MBD2: variants seen among roughly 807,000 people sequenced by gnomAD.
MBD2 encodes the protein methyl-CpG binding domain protein 2.
MBD2 carries 9 observed loss-of-function variants against 39.3 expected under a neutral mutation model. The ratio of observed to expected loss-of-function variants is 0.23; its 90% CI spans 0.14 to 0.40. The LOEUF is 0.40. Ranked by LOEUF, MBD2 falls within the 10% of genes least tolerant of loss-of-function variation. The pLI is 1.00. For missense variants in MBD2, 458 were observed against 532.6 expected (o/e 0.86, Z 1.38); for synonymous variants, 233 against 211.1 (o/e 1.10, Z -0.90).
rs753207977 is a variant in MBD2, at chr18:54,222,338, AAC to A, written c.542+1678_542+1679del. The A allele has an allele frequency of 9.6e-6, 5 of 518,272 alleles. No individual in the cohort carries two copies. In the Admixed American group the frequency reaches 9.7e-5, roughly 10 times the overall value. The allele number at this position is 518,272 out of a possible 1,614,324, so 32.1% of individuals were successfully genotyped here. On this transcript the variant is annotated intron_variant, in intron 1 of 6. Coordinates refer to ENST00000256429, the MANE Select transcript of MBD2 (RefSeq NM_003927.5). Reference sequence around the variant, plus strand: ...GGCACAGTCCCAGGGCAAGGATGCCAACAAAGGTTTTCTCTCAGCACCAGCTA... The same window carrying A: ...GGCACAGTCCCAGGGCAAGGATGCCAAAAGGTTTTCTCTCAGCACCAGCTA...
At chr18:54,193,112 AAC>A (rs1279992375) in intron 2 of MBD2, among the ~76,000 whole-genome samples, 1 of 152,256 alleles carries the variant, frequency 6.6e-6, no homozygotes, top group African/African-American at 2.4e-5. Context: ...CTGTCAAAGA[AAC>A]AGTCAATTCT....
intron 2 of MBD2, among the ~76,000 whole-genome samples, chr18:54,193,463 A>G (rs1426469600): frequency 6.6e-6 from 1 of 152,160 alleles, no homozygotes; most frequent in Non-Finnish European, 1.5e-5. Flanking sequence ...AATAATGTGT[A>G]TATTAGGCTG....
intron 6 of MBD2, among the ~76,000 whole-genome samples, chr18:54,157,897 C>T (rs543095547): frequency 1.6e-4 from 25 of 152,194 alleles, no homozygotes; most frequent in Non-Finnish European, 2.8e-4. Context: ...TATCTCAGAT[C>T]TACCCATCTC....
In MBD2 at chr18:54,151,727, T is replaced by C. The variant is rs1222515050; in HGVS notation, c.*3597A>G. On this transcript the variant is annotated 3_prime_UTR_variant, in exon 7 of 7. Transcript: ENST00000256429. The stretch of plus-strand genomic sequence containing the variant: ...TGAGAAATCACAAAGCTTGTTTATA[T>C]CTTTGCAATTATTTATGAAGATCTA... 6.6e-6 allele frequency: 1 copy of C among 152,090 alleles called. No homozygotes were observed. The highest frequency in any genetic ancestry group is 1.5e-5 in the Non-Finnish European group (1 of 68,034). The allele number at this position is 152,090 out of a possible 1,614,324, so 9.4% of individuals were successfully genotyped here. A position where few individuals can be genotyped will look rare whatever the true frequency, so the allele number is the denominator to read the frequency against.
At chr18:54,197,745 T>C (rs1007230427) in intron 2 of MBD2, among the ~76,000 whole-genome samples, 26 of 152,056 alleles carry the variant, frequency 1.7e-4, no homozygotes, top group South Asian at 1.0e-3. Flanking sequence ...AGATCATCAT[T>C]ATCATCATCA....
Position 54,186,420 on chromosome 18 carries a change from A to G in MBD2, c.840+2454T>C, listed in dbSNP as rs557636564. ...TCTGCCTATGTATATTTTGCCAACT[A>G]TCTCCTCAATTACAAATAGCTGATT... On this transcript the variant is annotated intron_variant, in intron 3 of 6. Transcript: ENST00000256429. Among the ~76,000 whole-genome samples, 16 of 152,250 alleles carry G rather than the reference A, an allele frequency of 1.1e-4. 1 individual carries two copies. Among genetic ancestry groups the G allele is most frequent in the African/African-American group, 3.8e-4 (16 of 41,568 alleles).
At position 54,201,425 on chromosome 18, in the gene MBD2, G is replaced by A. The variant is rs372569192; in HGVS notation, c.702+3573C>T. ...GTATAATGTAATCAAGAATGGAATCGATTTTCAGGGTAAGGTTAAGATTGA... is the reference window on the plus strand; with the variant it reads ...GTATAATGTAATCAAGAATGGAATCAATTTTCAGGGTAAGGTTAAGATTGA... On this transcript the variant is annotated intron_variant, in intron 2 of 6. Transcript: ENST00000256429. Among the ~76,000 whole-genome samples, 13 of 152,258 alleles carry A rather than the reference G, an allele frequency of 8.5e-5. No homozygotes were observed. In the East Asian group the frequency reaches 1.2e-3, roughly 14 times the overall value.
At chr18:54,209,568 A>C (rs1445669119) in intron 1 of MBD2, among the ~76,000 whole-genome samples, 3 of 152,216 alleles carry the variant, frequency 2.0e-5, no homozygotes, top group Non-Finnish European at 4.4e-5. Flanking sequence ...TTCAGAAAAC[A>C]GTAGTACAAG....
chr18:54,182,315 A>G (rs1449641133), intron 3 of MBD2, among the ~76,000 whole-genome samples: 3 of 152,210 alleles, frequency 2.0e-5, no homozygotes, highest in Non-Finnish European at 4.4e-5. Context: ...CTAAATCCAA[A>G]CTTGGTAAAT....
intron 3 of MBD2, among the ~76,000 whole-genome samples, chr18:54,173,591 A>G (rs2086192485): frequency 6.6e-6 from 1 of 152,256 alleles, no homozygotes; most frequent in African/African-American, 2.4e-5. Flanking sequence ...AACAGAAAAC[A>G]GTTCTGGCCA....
At chr18:54,209,779 C>A (rs2086486061) in intron 1 of MBD2, among the ~76,000 whole-genome samples, 1 of 152,188 alleles carries the variant, frequency 6.6e-6, no homozygotes, top group Non-Finnish European at 1.5e-5. Context: ...CAGTAGCAAA[C>A]TGACCCTGGG....
chr18:54,196,197 G>A (rs2086365254), intron 2 of MBD2, among the ~76,000 whole-genome samples: 1 of 152,112 alleles, frequency 6.6e-6, no homozygotes, highest in Non-Finnish European at 1.5e-5. Context: ...TGATGTCTAT[G>A]CAGAAAATCC....
intron 1 of MBD2, among the ~76,000 whole-genome samples, chr18:54,207,182 T>A (rs976101685): frequency 1.3e-5 from 2 of 152,214 alleles, no homozygotes; most frequent in Non-Finnish European, 2.9e-5. Context: ...CCCACCAGCT[T>A]TGGTAGCCTA....
At chr18:54,190,997 CTGGCAAA>C (rs1353187585) in intron 2 of MBD2, among the ~76,000 whole-genome samples, 1 of 152,126 alleles carries the variant, frequency 6.6e-6, no homozygotes, top group African/African-American at 2.4e-5. Context: ...TTCTCAGATT[CTGGCAAA>C]AAGGATGAAG....
intron 2 of MBD2, among the ~76,000 whole-genome samples, chr18:54,197,642 T>C (rs778278462): frequency 1.3e-5 from 2 of 152,214 alleles, no homozygotes; most frequent in Non-Finnish European, 2.9e-5. Context: ...CTTTTTGTGT[T>C]ATGCTCTACA....
intron 1 of MBD2, among the ~76,000 whole-genome samples, chr18:54,217,119 A>G (rs1274524902): frequency 3.3e-5 from 5 of 152,138 alleles, no homozygotes; most frequent in Non-Finnish European, 1.5e-5. Context: ...TAAAAAATTA[A>G]AGGGGACGAT....
intron 6 of MBD2, among the ~76,000 whole-genome samples, chr18:54,156,212 T>C (rs1000019161): frequency 2.0e-5 from 3 of 152,186 alleles, no homozygotes; most frequent in Admixed American, 2.0e-4. Context: ...ATGGGGTTAT[T>C]TGAGTAAGGT....
intron 1 of MBD2, among the ~76,000 whole-genome samples, chr18:54,205,592 A>C (rs1233144303): frequency 2.7e-4 from 2 of 7,472 alleles, no homozygotes. Context: ...ACTCTATCTC[A>C]AAAAAAAAAA....
intron 2 of MBD2, among the ~76,000 whole-genome samples, chr18:54,200,817 C>T (rs1206356910): frequency 3.9e-5 from 6 of 152,100 alleles, no homozygotes; most frequent in Admixed American, 1.3e-4. Context: ...CGGTGGCTCA[C>T]GTCTGTAATC....
Sources: allele counts gnomAD v4.1 joint callset (sites outside exome capture counted in the v4.1 genomes callset), GRCh38; gene constraint gnomAD v4.1.1; transcripts MANE v1.5; gene names NCBI Gene and HGNC (gene_info 2026-07-23, HGNC 2026-07-21).